Variants in ANO3 observed in about 807,000 individuals in gnomAD.
ANO3 encodes the protein anoctamin-3.
In ANO3, 99 loss-of-function variants were observed where a neutral mutation model predicts 144.8. The observed-to-expected ratio is 0.68, with a 90% confidence interval of 0.58 to 0.81. The LOEUF (loss-of-function observed/expected upper bound fraction) is 0.81, where lower values mean the gene tolerates loss of function less well. ANO3 is among the 30% of genes least tolerant of loss of function. The probability of loss-of-function intolerance (pLI) is 0.00; values close to 1 mark genes in which losing one functional copy is unlikely to be tolerated. For synonymous variants in ANO3, 414 were observed against 392.6 expected (o/e 1.05, Z -0.64); for missense variants, 905 against 1,202.2 (o/e 0.75, Z 3.66).
At chr11:26,533,263 G>A (rs1307636481) in intron 8 of ANO3, among the ~76,000 whole-genome samples, 1 of 151,950 alleles carries the variant, frequency 6.6e-6, no homozygotes, top group Non-Finnish European at 1.5e-5. Flanking sequence ...CTTTTTGTCG[G>A]GTAAAAATAT....
rs116552817 is a variant in ANO3, at chr11:26,549,908, C to G, written c.1289+2358C>G. ...CAATATTGACCAGATTTTTAAAAGT[C>G]GTTTCTTAGAGGATTTCCAAGCCCT... On this transcript the variant is annotated intron_variant, in intron 12 of 26. Transcript: ENST00000256737. 9.5e-3 allele frequency among the ~76,000 whole-genome samples: 1,442 copies of G among 151,874 alleles called. 22 individuals carry two copies. The highest frequency in any genetic ancestry group is 0.032 in the African/African-American group (1,324 of 41,436).
chr11:26,246,774 T>C (rs1408483921), intron 1 of ANO3, among the ~76,000 whole-genome samples: 2 of 151,956 alleles, frequency 1.3e-5, no homozygotes, highest in Non-Finnish European at 2.9e-5. Flanking sequence ...CTTGTGATAG[T>C]GAATAAGTTT....
At chr11:26,218,567 T>C (rs1852079862) in intron 1 of ANO3, among the ~76,000 whole-genome samples, 1 of 152,122 alleles carries the variant, frequency 6.6e-6, no homozygotes, top group Non-Finnish European at 1.5e-5. Context: ...CTCATACCAA[T>C]GTTTATCTTA....
chr11:26,261,385 G>A (rs567790777), intron 1 of ANO3, among the ~76,000 whole-genome samples: 1 of 152,184 alleles, frequency 6.6e-6, no homozygotes, highest in South Asian at 2.1e-4. Context: ...GCCCTGAAAG[G>A]TTTTCTGACC....
chr11:26,208,512 C>CAAAAAAAAAAAAAAAAA (rs67196052), intron 1 of ANO3, among the ~76,000 whole-genome samples: 97 of 121,706 alleles, frequency 8.0e-4, no homozygotes, highest in African/African-American at 3.2e-3. Flanking sequence ...GACTCCGTCT[C>CAAAAAAAAAAAAAAAAA]AAAAAAAAAA....
intron 4 of ANO3, among the ~76,000 whole-genome samples, chr11:26,481,774 T>A (rs558575006): frequency 6.6e-6 from 1 of 152,290 alleles, no homozygotes; most frequent in East Asian, 1.9e-4. Flanking sequence ...AGTTGTTGTT[T>A]TGGGAAATTT....
chr11:26,533,119 G>A (rs1849415246), intron 8 of ANO3, among the ~76,000 whole-genome samples: 1 of 152,112 alleles, frequency 6.6e-6, no homozygotes, highest in Non-Finnish European at 1.5e-5. Flanking sequence ...ATAGACACAT[G>A]TGCATATTAA....
chr11:26,531,357 A>T, intron 8 of ANO3, 21 bp downstream of exon 8: 1 of 1,596,576 alleles, frequency 6.3e-7, no homozygotes, highest in South Asian at 1.1e-5. Context: ...CTCTTTTTTC[A>T]TACTGCCTAC....
At chr11:26,418,416 C>T (rs931181100) in intron 1 of ANO3, among the ~76,000 whole-genome samples, 1 of 151,946 alleles carries the variant, frequency 6.6e-6, no homozygotes, top group African/African-American at 2.4e-5. Context: ...TCAGAACCTC[C>T]CCATTCTGAA....
Position 26,662,550 on chromosome 11 carries a change from T to C in ANO3, c.*2106T>C, listed in dbSNP as rs1012114813. On this transcript the variant is annotated 3_prime_UTR_variant, in exon 27 of 27. Transcript: ENST00000256737. ...CTGACAGTAGTATAAAGAATAATGA[T>C]AGCTCTATCCTTAAGAAGTATTTCC... 1 of 152,086 alleles carries C rather than the reference T, an allele frequency of 6.6e-6. No individual in the cohort carries two copies. The highest frequency in any genetic ancestry group is 2.4e-5 in the African/African-American group (1 of 41,444). 9.4% of individuals were successfully genotyped at this position (152,086 alleles called of 1,614,324 possible).
intron 9 of ANO3, among the ~76,000 whole-genome samples, chr11:26,535,397 A>G (rs1192988379): frequency 6.6e-6 from 1 of 152,092 alleles, no homozygotes; most frequent in African/African-American, 2.4e-5. Context: ...AACAAACAAG[A>G]TATACTTTTA....
chr11:26,349,700 C>T (rs1251386689), intron 1 of ANO3, among the ~76,000 whole-genome samples: 1 of 152,088 alleles, frequency 6.6e-6, no homozygotes, highest in Non-Finnish European at 1.5e-5. Context: ...AGGCGCCCGC[C>T]ACCGAGCCCG....
chr11:26,260,069 G>A (rs1180595807), intron 1 of ANO3, among the ~76,000 whole-genome samples: 1 of 131,794 alleles, frequency 7.6e-6, no homozygotes, highest in African/African-American at 2.8e-5. Context: ...TTTTTTTGAT[G>A]TACAAACTTA....
intron 24 of ANO3, among the ~76,000 whole-genome samples, chr11:26,650,840 C>T (rs556866836): frequency 1.3e-5 from 2 of 152,250 alleles, no homozygotes; most frequent in Admixed American, 1.3e-4. Flanking sequence ...ACAAACTGAG[C>T]AAACTTTTTT....
At chr11:26,461,124 G>A (rs1859379427) in intron 3 of ANO3, among the ~76,000 whole-genome samples, 1 of 152,064 alleles carries the variant, frequency 6.6e-6, no homozygotes, top group Non-Finnish European at 1.5e-5. Context: ...AAGCGAGCGA[G>A]CGCGAGAGTG....
intron 1 of ANO3, among the ~76,000 whole-genome samples, chr11:26,419,099 A>G (rs926738809): frequency 3.3e-5 from 5 of 151,174 alleles, no homozygotes; most frequent in African/African-American, 9.8e-5. Flanking sequence ...GCCTCAGGAA[A>G]CTTACAATCA....
intron 5 of ANO3, among the ~76,000 whole-genome samples, chr11:26,509,674 A>AT (rs1418553534): frequency 4.6e-5 from 7 of 152,118 alleles, no homozygotes; most frequent in African/African-American, 7.2e-5. Flanking sequence ...GGAAAAAAAA[A>AT]CTGTTTTTGA....
chr11:26,383,888 CTTTTTTTTTTTTTTTTT>C (rs61094091), intron 1 of ANO3, among the ~76,000 whole-genome samples: 1 of 70,146 alleles, frequency 1.4e-5, no homozygotes. Context: ...ATGCATTGTT[CTTTTTTTTTTTTTTTTT>C]TTTTTTTTTT....
At chr11:26,521,333 C>T (rs1862066878) in intron 6 of ANO3, among the ~76,000 whole-genome samples, 1 of 152,046 alleles carries the variant, frequency 6.6e-6, no homozygotes, top group African/African-American at 2.4e-5. Context: ...AGAGCAGTTC[C>T]ATATTTATTC....
Sources: allele counts gnomAD v4.1 joint callset (sites outside exome capture counted in the v4.1 genomes callset), GRCh38; gene constraint gnomAD v4.1.1; transcripts MANE v1.5; gene names NCBI Gene and HGNC (gene_info 2026-07-23, HGNC 2026-07-21).